ADAM33: variants seen among roughly 807,000 people sequenced by gnomAD.
ADAM33 encodes the protein ADAM metallopeptidase domain 33.
ADAM33 carries 103 observed loss-of-function variants against 106.2 expected under a neutral mutation model. That is an observed-to-expected ratio of 0.97 (90% CI 0.83 to 1.14). The LOEUF (loss-of-function observed/expected upper bound fraction) is 1.14. Ranked by LOEUF, ADAM33 falls within the 50% of genes most tolerant of loss-of-function variation. The pLI, the probability that ADAM33 is intolerant of heterozygous loss-of-function variation, is 0.00. For synonymous variants in ADAM33, 483 were observed against 453.0 expected, an observed-to-expected ratio of 1.07 and a Z score of -0.84; for missense variants, 1,120 against 1,096.6, an observed-to-expected ratio of 1.02 and a Z score of -0.30.
At chr20:3,680,701 C>T (rs1444716129) in intron 1 of ADAM33, among the ~76,000 whole-genome samples, 1 of 152,164 alleles carries the variant, frequency 6.6e-6, no homozygotes, top group Non-Finnish European at 1.5e-5. Flanking sequence ...GAGTAGAGAA[C>T]CAAGCTTTGC....
rs750194340 is a variant in ADAM33 at position 3,672,715 on chromosome 20, C to T, written c.1311+6G>A. ...GGCAAGTGGGGGCCGGGCGAGCCGACTTAACCTGGCCAGGGCCGCAGTCAC... is the reference window on the plus strand; with the variant it reads ...GGCAAGTGGGGGCCGGGCGAGCCGATTTAACCTGGCCAGGGCCGCAGTCAC... On this transcript the variant is annotated splice_donor_region_variant and intron_variant, in intron 12 of 21. Coordinates refer to ENST00000356518, the MANE Select transcript of ADAM33 (RefSeq NM_025220.5). 13 of 1,584,452 alleles carry T rather than the reference C, an allele frequency of 8.2e-6. No homozygotes were observed. In the South Asian group the frequency reaches 1.4e-4, roughly 17 times the overall value.
intron 13 of ADAM33, 101 bp downstream of exon 13, chr20:3,672,436 C>A: frequency 1.3e-6 from 2 of 1,577,794 alleles, no homozygotes; most frequent in South Asian, 1.2e-5. Context: ...TACCCAAGCC[C>A]AGCACCCAAC....
rs550748630 is a variant in ADAM33, at chr20:3,671,564, G to A, written c.1905+17C>T. 33 of 1,605,612 alleles carry A rather than the reference G, an allele frequency of 2.1e-5. No individual in the cohort carries two copies. The highest frequency in any genetic ancestry group is 6.8e-5 in the East Asian group (3 of 44,378). ...GGGATTCAAACGGCAAGGAGGGGTC[G>A]GGTGGGCAGAGCTCACCATTCTAGG... On this transcript the variant is annotated intron_variant, in intron 16 of 21. Transcript: ENST00000356518.
At chr20:3,679,339 C>G (rs947816533) in intron 2 of ADAM33, among the ~76,000 whole-genome samples, 153 bp downstream of exon 2, 7 of 151,654 alleles carry the variant, frequency 4.6e-5, no homozygotes, top group African/African-American at 1.7e-4. Context: ...CCTTCTTCTG[C>G]CCACTTGAGG....
intron 19 of ADAM33, chr20:3,670,092 C>A: frequency 4.1e-6 from 1 of 245,516 alleles, no homozygotes; most frequent in South Asian, 5.5e-5. Flanking sequence ...AAAACATTCT[C>A]CCCTGCCCTG....
chr20:3,680,225 C>T (rs897118826), intron 1 of ADAM33, among the ~76,000 whole-genome samples: 16 of 147,548 alleles, frequency 1.1e-4, no homozygotes, highest in East Asian at 4.0e-4. Flanking sequence ...ACTCAGAGGG[C>T]GCCTGGAATG....
At chr20:3,679,133 G>T (rs1458683464) in intron 2 of ADAM33, among the ~76,000 whole-genome samples, 2 of 103,402 alleles carry the variant, frequency 1.9e-5, no homozygotes, top group Admixed American at 1.0e-4. Context: ...TTTCTTTTTG[G>T]TGCTTTTTTT....
chr20:3,670,010 A>T, intron 19 of ADAM33: 1 of 425,946 alleles, frequency 2.3e-6, no homozygotes. Context: ...GCTGCCCTTG[A>T]TGATTCCAAG....
intron 20 of ADAM33, 73 bp downstream of exon 20, chr20:3,669,473 C>A: frequency 1.3e-6 from 2 of 1,544,052 alleles, no homozygotes; most frequent in Non-Finnish European, 1.7e-6. Context: ...TGCTGCCCAT[C>A]TGGAAGGAGG....
At chr20:3,681,752 C>T (rs924560686) in intron 1 of ADAM33, among the ~76,000 whole-genome samples, 156 bp downstream of exon 1, 1 of 151,848 alleles carries the variant, frequency 6.6e-6, no homozygotes, top group African/African-American at 2.4e-5. Flanking sequence ...CCACGGAGAC[C>T]CCCCCAAAGA....
intron 21 of ADAM33, 63 bp downstream of exon 21, chr20:3,669,236 G>C: frequency 1.4e-6 from 2 of 1,437,746 alleles, no homozygotes; most frequent in Non-Finnish European, 9.4e-7. Flanking sequence ...CAAACTGAGG[G>C]GTGGGAGAGG....
chr20:3,673,743 A>G lies in ADAM33; in HGVS notation c.905+2T>C. 1 of 1,497,588 alleles carries G rather than the reference A, an allele frequency of 6.7e-7. No homozygotes were observed. The highest frequency in any genetic ancestry group is 8.9e-7 in the Non-Finnish European group (1 of 1,128,096). The allele number at this position is 1,497,588 out of a possible 1,614,324, so 92.8% of individuals were successfully genotyped here. On this transcript the variant is annotated splice_donor_variant, in intron 9 of 21. Coordinates refer to ENST00000356518, the MANE Select transcript of ADAM33 (RefSeq NM_025220.5). LOFTEE classifies it high-confidence loss of function. ...ACCCGCGTCCGGGTCAGAGGCACCCACGTGAGCAGCTGCGCGGAGTCGTGG... is the reference window on the plus strand; with the variant it reads ...ACCCGCGTCCGGGTCAGAGGCACCCGCGTGAGCAGCTGCGCGGAGTCGTGG...
Position 3,668,760 on chromosome 20 carries a change from T to G in ADAM33, c.*203A>C. On this transcript the variant is annotated 3_prime_UTR_variant, in exon 22 of 22. Coordinates refer to ENST00000356518, the MANE Select transcript of ADAM33 (RefSeq NM_025220.5). ...GAGCTGGAGAGTGTGCCCAGCAGTG[T>G]TCTCCAGCCCTCAGGAACTTCTAAT... 1 of 636,340 alleles carries G rather than the reference T, an allele frequency of 1.6e-6. No individual in the cohort carries two copies. Among genetic ancestry groups the G allele is most frequent in the African/African-American group, 1.8e-5 (1 of 55,256 alleles). 39.4% of individuals were successfully genotyped at this position (636,340 alleles called of 1,614,324 possible). A position where few individuals can be genotyped will look rare whatever the true frequency, so the allele number is the denominator to read the frequency against.
At chr20:3,672,972 T>G in intron 11 of ADAM33, 74 bp from the exon 12 acceptor site, 1 of 1,450,898 alleles carries the variant, frequency 6.9e-7, no homozygotes, top group Non-Finnish European at 9.0e-7. Flanking sequence ...TCCCCACCCC[T>G]GGGCTTGGCT....
In ADAM33 at chr20:3,675,233, G is replaced by C; in HGVS notation, c.255-128C>G. ...AGTGAGACACTCACAGTGTGTCTTAGGGAAGGGACAGGAGCAATGGTGACT... is the reference window on the plus strand; with the variant it reads ...AGTGAGACACTCACAGTGTGTCTTACGGAAGGGACAGGAGCAATGGTGACT... On this transcript the variant is annotated intron_variant, in intron 3 of 21. Coordinates refer to ENST00000356518, the MANE Select transcript of ADAM33 (RefSeq NM_025220.5). The surrounding 1 kb of genome is among the most constrained non-coding windows in gnomAD (Gnocchi z 4.1). 1.4e-6 allele frequency: 1 copy of C among 707,510 alleles called. No individual in the cohort carries two copies. The highest frequency in any genetic ancestry group is 2.7e-5 in the East Asian group (1 of 37,556). The allele number at this position is 707,510 out of a possible 1,614,324, so 43.8% of individuals were successfully genotyped here.
In ADAM33 at chr20:3,679,525, T is replaced by C. The variant is rs2088287043; in HGVS notation, c.144A>G (p.Gly48=). The C allele has an allele frequency of 6.2e-7, 1 of 1,610,806 alleles. No individual in the cohort carries two copies. The highest frequency in any genetic ancestry group is 8.5e-7 in the Non-Finnish European group (1 of 1,178,758). The change falls in exon 2 of 22, where the codon GGA becomes GGG. Residue 48 remains glycine (G), a synonymous_variant. Coordinates refer to ENST00000356518, the MANE Select transcript of ADAM33 (RefSeq NM_025220.5). ...QPVTPHWVLD[G]QPWRTVSLEE... ...CCAGGCTGACGGTGCGCCAGGGTTG[T>C]CCATCCAGGACCCAGTGCGGGGTGA...
At chr20:3,669,835 C>T (rs2087413623) in intron 19 of ADAM33, 198 bp from the exon 20 acceptor site, 27 of 677,826 alleles carry the variant, frequency 4.0e-5, no homozygotes, top group Non-Finnish European at 2.7e-6. Flanking sequence ...TCCAAGTGAG[C>T]CTCATGCCCT....
chr20:3,679,369 T>C (rs2088262783), intron 2 of ADAM33, 123 bp downstream of exon 2: 1 of 965,298 alleles, frequency 1.0e-6, no homozygotes, highest in Non-Finnish European at 1.6e-6. Flanking sequence ...GGCAGGGGCC[T>C]ATAGGAGTAG....
chr20:3,675,077 T>C lies in ADAM33; in HGVS notation c.283A>G (p.Thr95Ala). ...HRLLAPGYIE[T>A]HYGPDGQPVV... Reference sequence around the variant, plus strand: ...GGCTGCCCATCTGGGCCGTAGTGGGTTTCTATGTATCCTGGGGCCAGCAGC... The same window carrying C: ...GGCTGCCCATCTGGGCCGTAGTGGGCTTCTATGTATCCTGGGGCCAGCAGC... The change falls in exon 4 of 22, where the codon ACC (threonine) becomes GCC (alanine). Residue 95 changes from threonine to alanine, a missense_variant. By Grantham distance (58) the Thr-to-Ala change is moderately conservative (BLOSUM62 0). Transcript: ENST00000356518. This position sits in a 1 kb window ranked among gnomAD's most constrained non-coding sequence, Gnocchi z 4.1. 4 of 1,613,128 alleles carry C rather than the reference T, an allele frequency of 2.5e-6. No individual in the cohort carries two copies. The highest frequency in any genetic ancestry group is 3.4e-6 in the Non-Finnish European group (4 of 1,179,808).
Sources: allele counts gnomAD v4.1 joint callset (sites outside exome capture counted in the v4.1 genomes callset), GRCh38; gene constraint gnomAD v4.1.1; non-coding constraint Gnocchi (gnomAD v3.1); transcripts MANE v1.5; gene names NCBI Gene and HGNC (gene_info 2026-07-23, HGNC 2026-07-21).